GSK3B: variants seen among roughly 807,000 people sequenced by gnomAD.
GSK3B encodes the protein glycogen synthase kinase-3 beta.
In GSK3B, 15 loss-of-function variants were observed where a neutral mutation model predicts 56.4. That is an observed-to-expected ratio of 0.27 (90% CI 0.18 to 0.41). GSK3B has a LOEUF of 0.41. GSK3B is among the 10% of genes least tolerant of loss of function. GSK3B has a pLI of 1.00. For synonymous variants in GSK3B, 181 were observed against 188.9 expected (o/e 0.96, Z 0.34); for missense variants, 300 against 513.4 (o/e 0.58, Z 4.02).
chr3:120,078,242 A>G (rs1255065719), intron 1 of GSK3B, among the ~76,000 whole-genome samples: 1 of 152,172 alleles, frequency 6.6e-6, no homozygotes, highest in Admixed American at 6.5e-5. Context: ...AGAAATTAAC[A>G]CAAAAAAAGA....
intron 2 of GSK3B, among the ~76,000 whole-genome samples, chr3:119,965,038 C>CTTTTTTTTTTT (rs573903125): frequency 8.0e-6 from 1 of 125,626 alleles, no homozygotes; most frequent in Non-Finnish European, 1.7e-5. Context: ...ATTATGTTTT[C>CTTTTTTTTTTT]TTTTTTTTTT....
At chr3:120,011,954 A>G (rs1434563452) in intron 1 of GSK3B, among the ~76,000 whole-genome samples, 2 of 152,162 alleles carry the variant, frequency 1.3e-5, no homozygotes, top group Non-Finnish European at 2.9e-5. Context: ...CACTACCACT[A>G]ACTTCATATT....
intron 1 of GSK3B, among the ~76,000 whole-genome samples, chr3:120,053,199 T>C (rs945624701): frequency 1.2e-4 from 19 of 152,082 alleles, no homozygotes; most frequent in Non-Finnish European, 2.6e-4. Context: ...TAGCCGGGTG[T>C]GTTGGCGGGA....
At chr3:119,849,829 A>AT (rs1293230701) in intron 9 of GSK3B, among the ~76,000 whole-genome samples, 3 of 151,896 alleles carry the variant, frequency 2.0e-5, no homozygotes, top group African/African-American at 7.3e-5. Flanking sequence ...TTTTTATTTT[A>AT]TTTTTTGAGA....
At chr3:119,995,757 A>C (rs1270351688) in intron 2 of GSK3B, among the ~76,000 whole-genome samples, 1 of 108,312 alleles carries the variant, frequency 9.2e-6, no homozygotes, top group Non-Finnish European at 1.8e-5. Context: ...TTTTTTTTTG[A>C]GACAGAGTCT....
chr3:119,908,188 CAA>C (rs1202239076), intron 6 of GSK3B, among the ~76,000 whole-genome samples: 2 of 152,102 alleles, frequency 1.3e-5, no homozygotes, highest in African/African-American at 4.8e-5. Context: ...TGCTAGGGTT[CAA>C]AAGACTCCTG....
intron 2 of GSK3B, among the ~76,000 whole-genome samples, chr3:119,958,007 C>T (rs1033555348): frequency 3.9e-5 from 6 of 152,104 alleles, no homozygotes; most frequent in Admixed American, 2.0e-4. Flanking sequence ...GTAATCCCCA[C>T]GTGCTGAGGC....
chr3:119,902,675 G>T (rs1453378087), intron 7 of GSK3B, among the ~76,000 whole-genome samples: 1 of 152,070 alleles, frequency 6.6e-6, no homozygotes. Flanking sequence ...GGGATTACAG[G>T]TGTTAGCCAC....
intron 1 of GSK3B, chr3:120,029,616 G>A: frequency 1.8e-6 from 1 of 564,856 alleles, no homozygotes; most frequent in South Asian, 1.6e-5. Flanking sequence ...AGGGAGGCTT[G>A]CCATTATTTC....
intron 7 of GSK3B, among the ~76,000 whole-genome samples, chr3:119,891,805 G>A (rs1304658500): frequency 1.3e-5 from 2 of 152,038 alleles, no homozygotes; most frequent in African/African-American, 4.8e-5. Context: ...CAATGGGAAG[G>A]GAACATATTC....
chr3:119,875,558 C>G (rs2056302574), intron 8 of GSK3B, among the ~76,000 whole-genome samples: 1 of 150,402 alleles, frequency 6.6e-6, no homozygotes, highest in East Asian at 2.0e-4. Flanking sequence ...GAAGTTTAAT[C>G]CCGGCTTTGT....
chr3:120,045,751 C>A (rs141288192), intron 1 of GSK3B, among the ~76,000 whole-genome samples: 1 of 152,174 alleles, frequency 6.6e-6, no homozygotes, highest in African/African-American at 2.4e-5. Flanking sequence ...GCATTTACTT[C>A]CAACATGTCT....
rs559214416 is a variant in GSK3B, at chr3:119,932,888, A to C, written c.367-9405T>G. Reference sequence around the variant, plus strand: ...ACTTTGGGAGGCTGAGGCTGAGTTCAGGTGTTTGAGACCAGCTTGGCCAAC... The same window carrying C: ...ACTTTGGGAGGCTGAGGCTGAGTTCCGGTGTTTGAGACCAGCTTGGCCAAC... On this transcript the variant is annotated intron_variant, in intron 3 of 10. Coordinates refer to ENST00000264235, the MANE Select transcript of GSK3B (RefSeq NM_001146156.2). Among the ~76,000 whole-genome samples, 4 of 152,162 alleles carry C rather than the reference A, an allele frequency of 2.6e-5. No homozygotes were observed. In the South Asian group the frequency reaches 8.3e-4, roughly 32 times the overall value.
intron 1 of GSK3B, among the ~76,000 whole-genome samples, chr3:120,092,130 CT>C (rs1220595826): frequency 6.6e-6 from 1 of 152,182 alleles, no homozygotes; most frequent in Non-Finnish European, 1.5e-5. Flanking sequence ...TTGTTAAATT[CT>C]GCAAGTATGT....
chr3:119,955,264 A>G (rs533140008), intron 2 of GSK3B, among the ~76,000 whole-genome samples: 171 of 151,642 alleles, frequency 1.1e-3, no homozygotes, highest in Middle Eastern at 6.8e-3. Context: ...AAAAAACTTA[A>G]CCCCATTTGC....
rs376662180 is a variant in GSK3B, at chr3:119,925,282, T to C, written c.367-1799A>G. Among the ~76,000 whole-genome samples, 8 of 152,334 alleles carry C rather than the reference T, an allele frequency of 5.3e-5. No homozygotes were observed. In the East Asian group the frequency reaches 1.3e-3, roughly 26 times the overall value. ...AGGCAAAGGTTGCAATAAGCCAAGA[T>C]CATGCCATGCACTCCAGTCTGGGTG... On this transcript the variant is annotated intron_variant, in intron 3 of 10. Coordinates refer to ENST00000264235, the MANE Select transcript of GSK3B (RefSeq NM_001146156.2).
intron 1 of GSK3B, among the ~76,000 whole-genome samples, chr3:120,048,996 G>A (rs1487065061): frequency 6.6e-6 from 1 of 152,128 alleles, no homozygotes; most frequent in Non-Finnish European, 1.5e-5. Context: ...ACATGTCAAG[G>A]GAAAAGTTAG....
At chr3:119,931,036 A>G (rs965616244) in intron 3 of GSK3B, among the ~76,000 whole-genome samples, 4 of 152,264 alleles carry the variant, frequency 2.6e-5, no homozygotes, top group African/African-American at 7.2e-5. Context: ...TGTAAAATAA[A>G]TAGCCACAGG....
rs2055483310 is a variant in GSK3B at position 119,825,156 on chromosome 3, T to A, written c.*1632A>T. On this transcript the variant is annotated 3_prime_UTR_variant, in exon 11 of 11. Coordinates refer to ENST00000264235, the MANE Select transcript of GSK3B (RefSeq NM_001146156.2). ...TCTTTAAATGTAAAGTACAACTGAT[T>A]GTGCCTTAAAGATTCATAGGTCAAG... 1 of 217,506 alleles carries A rather than the reference T, an allele frequency of 4.6e-6. No individual in the cohort carries two copies. Among genetic ancestry groups the A allele is most frequent in the African/African-American group, 2.2e-5 (1 of 44,522 alleles). 13.5% of individuals were successfully genotyped at this position (217,506 alleles called of 1,614,324 possible).
Sources: allele counts gnomAD v4.1 joint callset (sites outside exome capture counted in the v4.1 genomes callset), GRCh38; gene constraint gnomAD v4.1.1; transcripts MANE v1.5; gene names NCBI Gene and HGNC (gene_info 2026-07-23, HGNC 2026-07-21).